Variants in DDX39A observed in about 807,000 individuals in gnomAD.
DDX39A encodes DExD-box helicase 39A.
A neutral mutation model predicts 46.3 loss-of-function variants in DDX39A; 13 were observed. The observed-to-expected ratio is 0.28, with a 90% CI of 0.18 to 0.45. DDX39A has a LOEUF of 0.45. Ranked by LOEUF, DDX39A falls within the 20% of genes least tolerant of loss-of-function variation. The probability of loss-of-function intolerance (pLI) is 1.00; values close to 1 mark genes in which losing one functional copy is unlikely to be tolerated. For missense variants in DDX39A, 352 were observed against 581.8 expected (o/e 0.61, Z 4.06); for synonymous variants, 234 against 224.6 (o/e 1.04, Z -0.38).
chr19:14,410,681 T>G lies in DDX39A; in HGVS notation c.613+308A>C, dbSNP rs1350849915. 1.9e-6 allele frequency: 1 copy of G among 513,702 alleles called. No homozygotes were observed. Among genetic ancestry groups the G allele is most frequent in the Non-Finnish European group, 3.5e-6 (1 of 281,832 alleles). The allele number at this position is 513,702 out of a possible 1,614,324, so 31.8% of individuals were successfully genotyped here. ...ACAAGCCCATCTCCCACCGGCCCTG[T>G]CGGGGCTCACTGAGGGCAGGCGGGG... On this transcript the variant is annotated intron_variant, in intron 5 of 10. Coordinates refer to ENST00000242776, the MANE Select transcript of DDX39A (RefSeq NM_005804.4). This position sits in a 1 kb window ranked among gnomAD's most constrained non-coding sequence, Gnocchi z 4.3.
chr19:14,410,081 G>C lies in DDX39A; in HGVS notation c.732+135C>G. 1 of 1,035,496 alleles carries C rather than the reference G, an allele frequency of 9.7e-7. No individual in the cohort carries two copies. The highest frequency in any genetic ancestry group is 1.5e-6 in the Non-Finnish European group (1 of 670,794). The allele number at this position is 1,035,496 out of a possible 1,614,324, so 64.1% of individuals were successfully genotyped here. ...GCTTGACTCCCAGTTTGACAAGACC[G>C]AGGGGAGGAAAGGAGGCTCCGCCGG... On this transcript the variant is annotated intron_variant, in intron 6 of 10. Coordinates refer to ENST00000242776, the MANE Select transcript of DDX39A (RefSeq NM_005804.4). This position sits in a 1 kb window ranked among gnomAD's most constrained non-coding sequence, Gnocchi z 4.3.
At chr19:14,414,066 C>T (rs1405419802) in intron 1 of DDX39A, 5 of 152,134 alleles carry the variant, frequency 3.3e-5, no homozygotes, top group Non-Finnish European at 5.9e-5. Context: ...TCGTCCTCCT[C>T]CCCTACCCCA....
chr19:14,413,810 T>C (rs1976690277), intron 1 of DDX39A, among the ~76,000 whole-genome samples: 2 of 152,160 alleles, frequency 1.3e-5, no homozygotes. Flanking sequence ...TGGTGGGAAC[T>C]GAGTTTGCGA....
Position 14,410,356 on chromosome 19 carries a change from TG to T in DDX39A, c.614-23del. 3 of 1,603,776 alleles carry T rather than the reference TG, an allele frequency of 1.9e-6. No individual in the cohort carries two copies. Among genetic ancestry groups the T allele is most frequent in the Non-Finnish European group, 2.6e-6 (3 of 1,170,988 alleles). On this transcript the variant is annotated intron_variant, in intron 5 of 10. Transcript: ENST00000242776. The surrounding 1 kb of genome is among the most constrained non-coding windows in gnomAD (Gnocchi z 4.3). Reference sequence around the variant, plus strand: ...ATGTCTAGGTGGGGAGGGCAAGACATGGGTGGGCATGAGCGTCTGCCATGCA... The same window carrying T: ...ATGTCTAGGTGGGGAGGGCAAGACATGGTGGGCATGAGCGTCTGCCATGCA...
chr19:14,418,592 G>A (rs759311973), intron 1 of DDX39A, among the ~76,000 whole-genome samples: 119 of 152,056 alleles, frequency 7.8e-4, no homozygotes, highest in Middle Eastern at 3.4e-3. Context: ...CGAGTAGCTG[G>A]GACCACAGGC....
chr19:14,418,616 C>T (rs1185296065), intron 1 of DDX39A, among the ~76,000 whole-genome samples: 2 of 150,670 alleles, frequency 1.3e-5, no homozygotes, highest in East Asian at 1.9e-4. Flanking sequence ...CGCCACCACG[C>T]TCGGCTGATT....
rs147804923 is a variant in DDX39A at position 14,412,164 on chromosome 19, C to T, written c.336+387G>A. 3.3e-5 allele frequency among the ~76,000 whole-genome samples: 5 copies of T among 152,354 alleles called. No homozygotes were observed. The highest frequency in any genetic ancestry group is 9.6e-5 in the African/African-American group (4 of 41,580). ...ATGGGAGAAGACAGCCAGGGCCTAA[C>T]AGCAAGGACAGTGGTGACAGCTATA... On this transcript the variant is annotated intron_variant, in intron 3 of 10. Transcript: ENST00000242776. The surrounding 1 kb of genome is among the most constrained non-coding windows in gnomAD (Gnocchi z 4.4).
Position 14,411,077 on chromosome 19 carries a change from G to C in DDX39A, c.525C>G (p.Ile175Met). The change falls in exon 5 of 11, where the codon ATC becomes ATG. Residue 175 changes from isoleucine (I) to methionine (M), a missense_variant. Coordinates refer to ENST00000242776, the MANE Select transcript of DDX39A (RefSeq NM_005804.4). This position sits in a 1 kb window ranked among gnomAD's most constrained non-coding sequence, Gnocchi z 4.1. The part of the protein sequence containing the change: ...PHVVVGTPGR[I>M]LALVRNRSFS... ...AGCTCCTATTCCGCACGAGCGCCAG[G>C]ATGCGGCCCGGGGTCCCCACCACGA... 6.2e-7 allele frequency: 1 copy of C among 1,612,874 alleles called. No homozygotes were observed. The highest frequency in any genetic ancestry group is 8.5e-7 in the Non-Finnish European group (1 of 1,179,472).
In DDX39A at chr19:14,410,408, G is replaced by A; in HGVS notation, c.614-74C>T. ...GGACCCCCACCCCAGACCAGACCCA[G>A]ACCCCTCCCAACCTGTGCCAGGGAG... On this transcript the variant is annotated intron_variant, in intron 5 of 10. Coordinates refer to ENST00000242776, the MANE Select transcript of DDX39A (RefSeq NM_005804.4). This position sits in a 1 kb window ranked among gnomAD's most constrained non-coding sequence, Gnocchi z 4.3. 1 of 1,331,108 alleles carries A rather than the reference G, an allele frequency of 7.5e-7. No individual in the cohort carries two copies. 82.5% of individuals were successfully genotyped at this position (1,331,108 alleles called of 1,614,324 possible). A position where few individuals can be genotyped will look rare whatever the true frequency, so the allele number is the denominator to read the frequency against.
At position 14,409,107 on chromosome 19, in the gene DDX39A, G is replaced by A; in HGVS notation, c.1197C>T (p.Leu399=). The A allele has an allele frequency of 1.9e-6, 3 of 1,614,228 alleles. No individual in the cohort carries two copies. Among genetic ancestry groups the A allele is most frequent in the Non-Finnish European group, 2.5e-6 (3 of 1,180,046 alleles). ...FVSDENDAKI[L]NDVQDRFEVN... is the part of the protein sequence containing the mutation. ...CTTCAAACCGGTCCTGGACGTCATT[G>A]AGGATTTTGGCATCATTCTCGTCAG... Residue 399 remains leucine, a synonymous_variant, in exon 10 of 11, where the codon CTC becomes CTT. Transcript: ENST00000242776. This position sits in a 1 kb window ranked among gnomAD's most constrained non-coding sequence, Gnocchi z 8.3.
chr19:14,411,475 C>G lies in DDX39A; in HGVS notation c.429+31G>C. On this transcript the variant is annotated intron_variant, in intron 4 of 10. Coordinates refer to ENST00000242776, the MANE Select transcript of DDX39A (RefSeq NM_005804.4). This position sits in a 1 kb window ranked among gnomAD's most constrained non-coding sequence, Gnocchi z 4.1. ...TAACAAAGCTGCAGAAACCAAGTGG[C>G]GCCTGGTCCAGTCTGGCCCGAGGGA... The G allele has an allele frequency of 1.3e-6, 2 of 1,588,604 alleles. No homozygotes were observed. Among genetic ancestry groups the G allele is most frequent in the Non-Finnish European group, 1.7e-6 (2 of 1,157,534 alleles).
rs771767064 is a variant in DDX39A, at chr19:14,412,870, C to T, written c.208+143G>A. ...CCCCACTGCCGAGGGCAGCCACAGG[C>T]CCCGCTGGGCACAACTGATCCGCGG... is the stretch of plus-strand genomic sequence containing the variant. On this transcript the variant is annotated intron_variant, in intron 2 of 10. Coordinates refer to ENST00000242776, the MANE Select transcript of DDX39A (RefSeq NM_005804.4). The surrounding 1 kb of genome is among the most constrained non-coding windows in gnomAD (Gnocchi z 4.4). 178 of 1,256,418 alleles carry T rather than the reference C, an allele frequency of 1.4e-4. No individual in the cohort carries two copies. Among genetic ancestry groups the T allele is most frequent in the Non-Finnish European group, 1.9e-4 (173 of 916,660 alleles). The allele number at this position is 1,256,418 out of a possible 1,614,324, so 77.8% of individuals were successfully genotyped here. A position where few individuals can be genotyped will look rare whatever the true frequency, so the allele number is the denominator to read the frequency against.
In DDX39A at chr19:14,411,636, A is replaced by T; in HGVS notation, c.337-38T>A. ...ATAAGAAGAGGGCCTTACCTTAGGC[A>T]GTGTCCTAAACCCCTTCCCCACCAG... On this transcript the variant is annotated intron_variant, in intron 3 of 10. Coordinates refer to ENST00000242776, the MANE Select transcript of DDX39A (RefSeq NM_005804.4). The surrounding 1 kb of genome is among the most constrained non-coding windows in gnomAD (Gnocchi z 4.1). 1 of 1,512,184 alleles carries T rather than the reference A, an allele frequency of 6.6e-7. No homozygotes were observed. Among genetic ancestry groups the T allele is most frequent in the Non-Finnish European group, 9.1e-7 (1 of 1,094,066 alleles). The allele number at this position is 1,512,184 out of a possible 1,614,324, so 93.7% of individuals were successfully genotyped here. A position where few individuals can be genotyped will look rare whatever the true frequency, so the allele number is the denominator to read the frequency against.
Position 14,410,187 on chromosome 19 carries a change from GC to G in DDX39A, c.732+28del. 6.2e-7 allele frequency: 1 copy of G among 1,600,948 alleles called. No individual in the cohort carries two copies. On this transcript the variant is annotated intron_variant, in intron 6 of 10. Coordinates refer to ENST00000242776, the MANE Select transcript of DDX39A (RefSeq NM_005804.4). The surrounding 1 kb of genome is among the most constrained non-coding windows in gnomAD (Gnocchi z 4.3). ...CCCAGGCTCCAGGCCCCTGGGGAAG[GC>G]CAAAGCTGCCACTCTCGCCCTACTC... is the stretch of plus-strand genomic sequence containing the variant.
At chr19:14,418,141 AAAAAG>A (rs1220168991) in intron 1 of DDX39A, among the ~76,000 whole-genome samples, 2 of 151,374 alleles carry the variant, frequency 1.3e-5, no homozygotes, top group East Asian at 3.9e-4. Flanking sequence ...AAAAAAAAAA[AAAAAG>A]AGAGAGAGAG....
chr19:14,408,983 G>A, intron 10 of DDX39A, 31 bp from the exon 11 acceptor site: 2 of 1,611,582 alleles, frequency 1.2e-6, no homozygotes, highest in Non-Finnish European at 1.7e-6. Context: ...TGAACTGAAG[G>A]GCCGGGGGAG....
chr19:14,418,144 A>AG (rs1491424058), intron 1 of DDX39A, among the ~76,000 whole-genome samples: 16 of 148,682 alleles, frequency 1.1e-4, no homozygotes, highest in Non-Finnish European at 8.9e-5. Flanking sequence ...AAAAAAAAAA[A>AG]AGAGAGAGAG....
rs200484404 is a variant in DDX39A at position 14,413,251 on chromosome 19, G to T, written c.-4-27C>A. 1.9e-6 allele frequency: 3 copies of T among 1,593,686 alleles called. No homozygotes were observed. The East Asian group carries it at 6.7e-5, about 36-fold the overall frequency. ...TGAGAAGAGAGAGAGGCAGGGTCCC[G>T]CGAGTGGGCACAGAAGGATGATGAA... On this transcript the variant is annotated intron_variant, in intron 1 of 10. Coordinates refer to ENST00000242776, the MANE Select transcript of DDX39A (RefSeq NM_005804.4).
chr19:14,416,655 C>T (rs1285483753), intron 1 of DDX39A, among the ~76,000 whole-genome samples: 2 of 152,162 alleles, frequency 1.3e-5, no homozygotes, highest in African/African-American at 2.4e-5. Context: ...GCTGGAAGAG[C>T]TGGTCAGCCA....
Sources: gnomAD v4.1 joint callset for allele counts (sites outside exome capture counted in the v4.1 genomes callset) on GRCh38, gnomAD v4.1.1 for gene constraint, Gnocchi (gnomAD v3.1) non-coding constraint, MANE v1.5 for transcripts, NCBI Gene and HGNC (gene_info 2026-07-23, HGNC 2026-07-21) for gene names.